Variants in GABRB1 observed in about 807,000 individuals in gnomAD.
GABRB1 encodes the protein gamma-aminobutyric acid type A receptor subunit beta1, also known as gamma-aminobutyric acid receptor subunit beta-1.
In GABRB1, 17 loss-of-function variants were observed where a neutral mutation model predicts 51.6. The ratio of observed to expected loss-of-function variants is 0.33; its 90% CI spans 0.23 to 0.49. The LOEUF (loss-of-function observed/expected upper bound fraction) is 0.49. Among genes scored for constraint, GABRB1 ranks in the 20% least tolerant of loss-of-function variants. The pLI is 0.99. For missense variants in GABRB1, 410 were observed against 600.6 expected, an observed-to-expected ratio of 0.68 and a Z score of 3.32; for synonymous variants, 247 against 218.9, an observed-to-expected ratio of 1.13 and a Z score of -1.14.
At chr4:47,175,275 C>T (rs1718643303) in intron 4 of GABRB1, among the ~76,000 whole-genome samples, 1 of 151,306 alleles carries the variant, frequency 6.6e-6, no homozygotes, top group Admixed American at 6.6e-5. Flanking sequence ...TCAGGCTTGT[C>T]TCAAACTCCT....
intron 4 of GABRB1, among the ~76,000 whole-genome samples, chr4:47,164,863 T>TA (rs1443577979): frequency 6.6e-6 from 1 of 152,102 alleles, no homozygotes; most frequent in Non-Finnish European, 1.5e-5. Context: ...ACCAGGCTAC[T>TA]ATGCAACAGA....
intron 1 of GABRB1, among the ~76,000 whole-genome samples, chr4:47,006,354 G>C (rs956862763): frequency 6.6e-6 from 1 of 151,986 alleles, no homozygotes; most frequent in African/African-American, 2.4e-5. Context: ...ATATAATACA[G>C]AGTGCATATT....
chr4:47,048,730 C>T (rs1560510858), intron 3 of GABRB1, among the ~76,000 whole-genome samples: 1 of 152,022 alleles, frequency 6.6e-6, no homozygotes, highest in East Asian at 1.9e-4. Flanking sequence ...GAACTGAGTC[C>T]AGAAAGGTTT....
chr4:46,994,909 TTG>T (rs1383149903), intron 1 of GABRB1, among the ~76,000 whole-genome samples: 1 of 152,160 alleles, frequency 6.6e-6, no homozygotes, highest in Non-Finnish European at 1.5e-5. Flanking sequence ...TTTGGTTTTT[TTG>T]TGTGTTTTAA....
At chr4:47,301,101 G>T (rs1724241765) in intron 4 of GABRB1, among the ~76,000 whole-genome samples, 1 of 152,020 alleles carries the variant, frequency 6.6e-6, no homozygotes, top group South Asian at 2.1e-4. Context: ...TAGAGGGAAG[G>T]AAAATAGAGA....
intron 3 of GABRB1, among the ~76,000 whole-genome samples, chr4:47,087,560 T>C (rs1171917847): frequency 6.6e-6 from 1 of 151,682 alleles, no homozygotes; most frequent in Non-Finnish European, 1.5e-5. Context: ...TTTTTTATTA[T>C]ACTTTAAGTT....
intron 3 of GABRB1, among the ~76,000 whole-genome samples, chr4:47,060,334 G>A (rs1467579001): frequency 6.6e-6 from 1 of 152,112 alleles, no homozygotes; most frequent in Non-Finnish European, 1.5e-5. Context: ...TATCCTGAAT[G>A]ACATAGTAAG....
At chr4:47,170,413 ACACACG>A (rs1347258177) in intron 4 of GABRB1, among the ~76,000 whole-genome samples, 5 of 151,926 alleles carry the variant, frequency 3.3e-5, no homozygotes, top group African/African-American at 1.2e-4. Context: ...GCACACACAC[ACACACG>A]CACACACGCA....
chr4:47,369,223 C>T (rs1727101164), intron 5 of GABRB1, among the ~76,000 whole-genome samples: 1 of 152,144 alleles, frequency 6.6e-6, no homozygotes, highest in Non-Finnish European at 1.5e-5. Flanking sequence ...AGGAACTTAG[C>T]TTAGTGGACA....
chr4:47,332,778 T>C (rs1468344455), intron 5 of GABRB1, among the ~76,000 whole-genome samples: 5 of 151,702 alleles, frequency 3.3e-5, no homozygotes, highest in Non-Finnish European at 5.9e-5. Flanking sequence ...TAGACCCAGT[T>C]CTCTAAATAA....
At chr4:47,164,258 T>C (rs962822788) in intron 4 of GABRB1, among the ~76,000 whole-genome samples, 3 of 152,050 alleles carry the variant, frequency 2.0e-5, no homozygotes, top group Non-Finnish European at 4.4e-5. Flanking sequence ...GCAAATTCCA[T>C]TGCTTCTGTG....
intron 1 of GABRB1, among the ~76,000 whole-genome samples, chr4:47,006,364 T>TC (rs1462756355): frequency 6.6e-6 from 1 of 152,140 alleles, no homozygotes; most frequent in Non-Finnish European, 1.5e-5. Flanking sequence ...GAGTGCATAT[T>TC]CCCACAGAAT....
intron 5 of GABRB1, among the ~76,000 whole-genome samples, chr4:47,351,584 G>A (rs567617709): frequency 6.2e-4 from 66 of 105,880 alleles, no homozygotes; most frequent in Admixed American, 1.4e-3. Flanking sequence ...AACAGTCCCC[G>A]GAGTGTGATG....
At chr4:47,202,173 T>G (rs1002937129) in intron 4 of GABRB1, among the ~76,000 whole-genome samples, 2 of 152,158 alleles carry the variant, frequency 1.3e-5, no homozygotes, top group African/African-American at 4.8e-5. Context: ...TCCCCCAGGC[T>G]GTTCTCATGA....
intron 3 of GABRB1, among the ~76,000 whole-genome samples, chr4:47,059,620 G>A (rs566847664): frequency 1.3e-5 from 2 of 152,072 alleles, no homozygotes; most frequent in Non-Finnish European, 2.9e-5. Context: ...CAACATTAAA[G>A]CCTAAAGAAA....
At chr4:47,413,974 TTAAG>T (rs1266897935) in intron 8 of GABRB1, among the ~76,000 whole-genome samples, 4 of 152,200 alleles carry the variant, frequency 2.6e-5, no homozygotes, top group African/African-American at 4.8e-5. Context: ...CAACGAGGCT[TTAAG>T]TAAGCTACCT....
intron 3 of GABRB1, among the ~76,000 whole-genome samples, chr4:47,082,853 T>C (rs1210594716): frequency 6.6e-6 from 1 of 152,164 alleles, no homozygotes; most frequent in Admixed American, 6.6e-5. Flanking sequence ...TATCACAATG[T>C]TCTGTCTTAT....
At chr4:47,086,360 G>A (rs1728060482) in intron 3 of GABRB1, among the ~76,000 whole-genome samples, 1 of 151,978 alleles carries the variant, frequency 6.6e-6, no homozygotes. Context: ...GATAATAATT[G>A]ATTATAAAAT....
intron 8 of GABRB1, among the ~76,000 whole-genome samples, chr4:47,414,861 T>C (rs557173886): frequency 1.3e-5 from 2 of 152,314 alleles, no homozygotes; most frequent in African/African-American, 4.8e-5. Context: ...TAGGTCCAGC[T>C]TGAAACAGCT....
Sources: gnomAD v4.1 joint callset for allele counts (sites outside exome capture counted in the v4.1 genomes callset) on GRCh38, gnomAD v4.1.1 for gene constraint, MANE v1.5 for transcripts, NCBI Gene and HGNC (gene_info 2026-07-23, HGNC 2026-07-21) for gene names.